Variants in DZANK1 observed in about 807,000 individuals in gnomAD.
DZANK1 encodes the protein double zinc ribbon and ankyrin repeat domains 1.
DZANK1 carries 91 observed loss-of-function variants against 94.5 expected under a neutral mutation model. The ratio of observed to expected loss-of-function variants is 0.96; its 90% confidence interval spans 0.81 to 1.15. The LOEUF (loss-of-function observed/expected upper bound fraction) is 1.15, where lower values mean the gene tolerates loss of function less well. DZANK1 is among the 50% of genes most tolerant of loss of function. DZANK1 has a pLI of 0.00. For missense variants in DZANK1, 903 were observed against 916.4 expected (o/e 0.99, Z 0.19); for synonymous variants, 312 against 325.3 (o/e 0.96, Z 0.44).
chr20:18,435,593 C>T (rs1349339801), intron 8 of DZANK1, among the ~76,000 whole-genome samples: 3 of 151,812 alleles, frequency 2.0e-5, no homozygotes, highest in South Asian at 2.1e-4. Flanking sequence ...CGGGGTCTGT[C>T]GGGGGTGGGG....
In DZANK1 at chr20:18,397,260, T is replaced by C. The variant is rs150171142; in HGVS notation, c.1537-714A>G. Among the ~76,000 whole-genome samples, 30 of 152,260 alleles carry C rather than the reference T, an allele frequency of 2.0e-4. No individual in the cohort carries two copies. The East Asian group carries it at 2.9e-3, about 15-fold the overall frequency. On this transcript the variant is annotated intron_variant, in intron 14 of 20. Transcript: ENST00000262547. ...TACCAAAATAGATTATCAAAGGAAA[T>C]TGGGTAATACTGGAAAATGAGATCG...
intron 7 of DZANK1, among the ~76,000 whole-genome samples, chr20:18,447,373 G>C (rs1403732279): frequency 6.6e-6 from 1 of 152,206 alleles, no homozygotes; most frequent in Non-Finnish European, 1.5e-5. Context: ...CCAGGCTGGA[G>C]TGCAGTGGCA....
At chr20:18,450,109 T>TAAACAAAC (rs1206420434) in intron 6 of DZANK1, among the ~76,000 whole-genome samples, 1 of 94,390 alleles carries the variant, frequency 1.1e-5, no homozygotes, top group African/African-American at 3.7e-5. Flanking sequence ...AATAAATAAA[T>TAAACAAAC]AAACAAACAA....
At position 18,464,724 on chromosome 20, in the gene DZANK1, G is replaced by A. The variant is rs1160549974; in HGVS notation, c.109+526C>T. Among the ~76,000 whole-genome samples the A allele has an allele frequency of 9.0e-5, 12 of 134,008 alleles. No homozygotes were observed. In the Admixed American group the frequency reaches 1.0e-3, roughly 11 times the overall value. The allele number at this position is 134,008 out of a possible 152,430, so 87.9% of individuals were successfully genotyped here. A position where few individuals can be genotyped will look rare whatever the true frequency, so the allele number is the denominator to read the frequency against. ...GGAGTCTTGCTCTGTTGCCTAGGCTGGAGTGCACTGGCGCGATCTCGGCTC... is the reference window on the plus strand; with the variant it reads ...GGAGTCTTGCTCTGTTGCCTAGGCTAGAGTGCACTGGCGCGATCTCGGCTC... On this transcript the variant is annotated intron_variant, in intron 2 of 20. Coordinates refer to ENST00000262547, the Ensembl canonical transcript of DZANK1.
rs893274608 is a variant in DZANK1 at position 18,450,117 on chromosome 20, C to T, written c.544-1048G>A. Among the ~76,000 whole-genome samples, 32 of 146,614 alleles carry T rather than the reference C, an allele frequency of 2.2e-4. No individual in the cohort carries two copies. In the South Asian group the frequency reaches 4.3e-3, roughly 20 times the overall value. On this transcript the variant is annotated intron_variant, in intron 6 of 20. Coordinates refer to ENST00000262547, the Ensembl canonical transcript of DZANK1. ...ATAAATAAATAAATAAATAAACAAA[C>T]AAACAAACAAACTTCAGTATCTATT...
At chr20:18,384,888 G>T in intron 20 of DZANK1, 128 bp downstream of exon 20, 1 of 894,906 alleles carries the variant, frequency 1.1e-6, no homozygotes, top group East Asian at 2.7e-5. Flanking sequence ...CGGAAGCCAT[G>T]GTGGGATGGT....
At chr20:18,414,560 C>T in intron 11 of DZANK1, 48 bp from the exon 12 acceptor site, 1 of 1,537,446 alleles carries the variant, frequency 6.5e-7, no homozygotes, top group Non-Finnish European at 8.8e-7. Context: ...ATAATTTCCT[C>T]ATGTAAATTA....
At chr20:18,465,288 T>C (rs778673574) in exon 2 of DZANK1, 27 of 1,609,964 alleles carry the variant, frequency 1.7e-5, no homozygotes, top group African/African-American at 4.0e-5. Flanking sequence ...ATCAATTTCA[T>C]GGTTAGCTTT....
intron 8 of DZANK1, among the ~76,000 whole-genome samples, chr20:18,437,918 C>A (rs183793483): frequency 6.6e-6 from 1 of 151,886 alleles, no homozygotes; most frequent in East Asian, 1.9e-4. Flanking sequence ...AAAAGTAACA[C>A]AAAAGAAATA....
At chr20:18,397,861 TC>T (rs981143611) in intron 14 of DZANK1, among the ~76,000 whole-genome samples, 9 of 152,046 alleles carry the variant, frequency 5.9e-5, no homozygotes, top group Non-Finnish European at 8.8e-5. Context: ...GTGGCTGAGC[TC>T]CAAGAAGTGC....
At chr20:18,389,715 G>A in exon 19 of DZANK1, 1 of 1,613,892 alleles carries the variant, frequency 6.2e-7, no homozygotes, top group Non-Finnish European at 8.5e-7. Context: ...CCCACTGCTG[G>A]TCGATGTCTG....
intron 7 of DZANK1, among the ~76,000 whole-genome samples, chr20:18,447,767 T>A (rs2058933113): frequency 6.6e-6 from 1 of 152,180 alleles, no homozygotes; most frequent in Non-Finnish European, 1.5e-5. Context: ...AATGAGATAC[T>A]GTTACAATCT....
chr20:18,420,491 T>C (rs2057724988), intron 10 of DZANK1: 1 of 171,786 alleles, frequency 5.8e-6, no homozygotes, highest in African/African-American at 2.4e-5. Context: ...CTAGAGATAC[T>C]TATCTGGGCT....
In DZANK1 at chr20:18,440,967, T is replaced by A. The variant is rs555308175; in HGVS notation, c.747+2380A>T. Among the ~76,000 whole-genome samples, 18 of 152,308 alleles carry A rather than the reference T, an allele frequency of 1.2e-4. No individual in the cohort carries two copies. In the South Asian group the frequency reaches 3.3e-3, roughly 28 times the overall value. On this transcript the variant is annotated intron_variant, in intron 8 of 20. Transcript: ENST00000262547. The stretch of plus-strand genomic sequence containing the variant: ...ACAATTTTTGTTTGATTTTCATCAA[T>A]ATAACCCTGGAGCTACAAGAAGTAT...
intron 6 of DZANK1, among the ~76,000 whole-genome samples, chr20:18,451,262 G>A (rs2059091011): frequency 6.6e-6 from 1 of 152,086 alleles, no homozygotes; most frequent in African/African-American, 2.4e-5. Context: ...TTTTATTAAG[G>A]TCATAAGTCA....
exon 21 of DZANK1, chr20:18,383,442 A>G (rs1366343006): frequency 1.3e-5 from 2 of 152,182 alleles, no homozygotes; most frequent in African/African-American, 2.4e-5. Context: ...GGGAATATTG[A>G]TGATTTCAAC....
At chr20:18,424,787 G>A (rs1275846184) in intron 10 of DZANK1, among the ~76,000 whole-genome samples, 4 of 152,048 alleles carry the variant, frequency 2.6e-5, no homozygotes, top group Admixed American at 6.5e-5. Flanking sequence ...ATAGTGTGCC[G>A]GCACTGGAAA....
chr20:18,390,302 A>G (rs999433252), intron 18 of DZANK1, 77 bp downstream of exon 18: 1 of 1,401,134 alleles, frequency 7.1e-7, no homozygotes, highest in Non-Finnish European at 1.0e-6. Flanking sequence ...ATTGAACAAA[A>G]CTTTCATCTG....
chr20:18,389,956 G>T, intron 18 of DZANK1, 128 bp from the exon 19 acceptor site: 1 of 1,417,932 alleles, frequency 7.1e-7, no homozygotes. Context: ...TCAGATCAAA[G>T]GAGAGGAGAA....
Sources: gnomAD v4.1 joint callset for allele counts (sites outside exome capture counted in the v4.1 genomes callset) on GRCh38, gnomAD v4.1.1 for gene constraint, MANE v1.5 for transcripts, NCBI Gene and HGNC (gene_info 2026-07-23, HGNC 2026-07-21) for gene names.